GARRE1: variants seen among roughly 807,000 people sequenced by gnomAD.
The protein encoded by GARRE1 is granule associated Rac and RHOG effector 1.
GARRE1 carries 49 observed loss-of-function variants against 103.2 expected under a neutral mutation model. That is an observed-to-expected ratio of 0.47 (90% CI 0.38 to 0.60). GARRE1 has a LOEUF of 0.60. GARRE1 is among the 20% of genes least tolerant of loss of function. The pLI, the probability that GARRE1 is intolerant of heterozygous loss-of-function variation, is 0.00. For missense variants in GARRE1, 1,199 were observed against 1,370.5 expected (o/e 0.87, Z 1.98); for synonymous variants, 505 against 532.8 (o/e 0.95, Z 0.72).
At chr19:34,272,844 T>C (rs992400568) in intron 1 of GARRE1, among the ~76,000 whole-genome samples, 6 of 152,220 alleles carry the variant, frequency 3.9e-5, no homozygotes. Flanking sequence ...GGTGAGAACA[T>C]GAAGAACTCA....
intron 1 of GARRE1, among the ~76,000 whole-genome samples, chr19:34,271,334 T>G (rs556685316): frequency 2.2e-4 from 33 of 151,200 alleles, no homozygotes; most frequent in African/African-American, 6.6e-4. Context: ...CTGCAACCTC[T>G]GTCTCCCGGG....
At chr19:34,347,802 C>T (rs2074218878) in intron 10 of GARRE1, 75 bp from the exon 11 acceptor site, 6 of 1,348,828 alleles carry the variant, frequency 4.4e-6, no homozygotes, top group South Asian at 1.6e-5. Flanking sequence ...GTGACCAGCA[C>T]GTTAGCAAAG....
At chr19:34,347,148 G>A (rs1325855936) in intron 10 of GARRE1, among the ~76,000 whole-genome samples, 6 of 151,572 alleles carry the variant, frequency 4.0e-5, no homozygotes, top group African/African-American at 1.5e-4. Context: ...GAGTGCAGTG[G>A]CACGATCTCA....
chr19:34,292,535 T>G (rs1466838464), intron 1 of GARRE1, among the ~76,000 whole-genome samples: 1 of 152,196 alleles, frequency 6.6e-6, no homozygotes, highest in Non-Finnish European at 1.5e-5. Flanking sequence ...TATTTAGCAT[T>G]TTGAGGACCT....
At chr19:34,344,406 C>T (rs888461038) in intron 10 of GARRE1, among the ~76,000 whole-genome samples, 58 of 151,852 alleles carry the variant, frequency 3.8e-4, no homozygotes, top group African/African-American at 1.3e-3. Context: ...CCGGCTAAAA[C>T]GGTGAAACCC....
At position 34,261,206 on chromosome 19, in the gene GARRE1, G is replaced by A. The variant is rs77922378; in HGVS notation, c.-796+6592G>A. Among the ~76,000 whole-genome samples, 465 of 152,296 alleles carry A rather than the reference G, an allele frequency of 3.1e-3. 5 individuals carry two copies. The highest frequency in any genetic ancestry group is 0.01 in the African/African-American group (426 of 41,564). ...GAGGGCTCTGCATCTAAGCTGCTTG[G>A]ATCAGATCCTGGTCTTGGGATGCTG... is the stretch of plus-strand genomic sequence containing the variant. On this transcript the variant is annotated intron_variant, in intron 1 of 13. Coordinates refer to ENST00000299505, the MANE Select transcript of GARRE1 (RefSeq NM_014686.5).
intron 1 of GARRE1, among the ~76,000 whole-genome samples, chr19:34,267,575 C>T (rs2073760050): frequency 6.6e-6 from 1 of 152,104 alleles, no homozygotes; most frequent in Admixed American, 6.5e-5. Flanking sequence ...TCTTAAATAA[C>T]TTTCTAATGG....
At chr19:34,325,448 A>G (rs185970435) in intron 3 of GARRE1, among the ~76,000 whole-genome samples, 55 of 152,188 alleles carry the variant, frequency 3.6e-4, no homozygotes, top group African/African-American at 1.2e-3. Flanking sequence ...GAGTGGTGCC[A>G]TCCCACACTG....
chr19:34,333,150 T>C (rs986548974), intron 7 of GARRE1, among the ~76,000 whole-genome samples: 2 of 152,096 alleles, frequency 1.3e-5, no homozygotes, highest in Non-Finnish European at 2.9e-5. Context: ...GGGTTCAAGC[T>C]ATTCTCCTGC....
At chr19:34,294,646 G>GGGCTATATTC (rs1315858051) in intron 1 of GARRE1, among the ~76,000 whole-genome samples, 9 of 151,698 alleles carry the variant, frequency 5.9e-5, no homozygotes, top group Non-Finnish European at 1.2e-4. Flanking sequence ...CCCTTTATAT[G>GGGCTATATTC]GGCTATATTC....
Position 34,327,470 on chromosome 19 carries a change from T to C in GARRE1, c.755T>C (p.Ile252Thr), listed in dbSNP as rs762655810. Residue 252 changes from isoleucine to threonine, a missense_variant, in exon 4 of 14, where the codon ATT (isoleucine) becomes ACT (threonine). Coordinates refer to ENST00000299505, the MANE Select transcript of GARRE1 (RefSeq NM_014686.5). ...GGCTGTGATGGTTGCCTGGCAGGAA[T>C]TGAAGTTCAACAACTCTTTTGTTCT... is the stretch of plus-strand genomic sequence containing the variant. ...ERGCDGCLAG[I>T]EVQQLFCSQS... is the part of the protein sequence containing the mutation. 2.5e-5 allele frequency: 41 copies of C among 1,614,030 alleles called. No individual in the cohort carries two copies. Among genetic ancestry groups the C allele is most frequent in the Middle Eastern group, 1.6e-4 (1 of 6,084 alleles).
chr19:34,282,274 C>T (rs536525892), intron 1 of GARRE1, among the ~76,000 whole-genome samples: 15 of 151,974 alleles, frequency 9.9e-5, no homozygotes, highest in Admixed American at 2.6e-4. Context: ...GCCTTGGCCT[C>T]CTGAGTAGCT....
chr19:34,333,485 A>T (rs548602981), intron 7 of GARRE1, among the ~76,000 whole-genome samples: 2 of 152,204 alleles, frequency 1.3e-5, no homozygotes, highest in African/African-American at 4.8e-5. Flanking sequence ...ATTTAATTCC[A>T]TGCCCAGAAT....
At chr19:34,325,379 G>A (rs999505305) in intron 3 of GARRE1, among the ~76,000 whole-genome samples, 3 of 152,112 alleles carry the variant, frequency 2.0e-5, no homozygotes, top group Non-Finnish European at 4.4e-5. Context: ...TCTCACAGGT[G>A]GCTCAGGCGT....
chr19:34,256,975 T>C (rs2073677234), intron 1 of GARRE1, among the ~76,000 whole-genome samples: 1 of 152,176 alleles, frequency 6.6e-6, no homozygotes, highest in Non-Finnish European at 1.5e-5. Context: ...TATGAAGAGT[T>C]CAGGTTTGTT....
At chr19:34,305,352 A>G (rs958209365) in intron 2 of GARRE1, among the ~76,000 whole-genome samples, 1 of 152,170 alleles carries the variant, frequency 6.6e-6, no homozygotes, top group Non-Finnish European at 1.5e-5. Flanking sequence ...ACTGCTTGAT[A>G]GAGATATGGC....
chr19:34,337,588 T>C (rs969373844), intron 8 of GARRE1, among the ~76,000 whole-genome samples: 1 of 152,114 alleles, frequency 6.6e-6, no homozygotes, highest in Non-Finnish European at 1.5e-5. Flanking sequence ...GGATGGGAAG[T>C]TGTAGACGTC....
At chr19:34,272,462 G>A (rs2073793560) in intron 1 of GARRE1, among the ~76,000 whole-genome samples, 1 of 152,190 alleles carries the variant, frequency 6.6e-6, no homozygotes, top group South Asian at 2.1e-4. Context: ...GCCTCCCAAA[G>A]TGCTGGGATT....
intron 10 of GARRE1, among the ~76,000 whole-genome samples, chr19:34,344,840 A>AT (rs539157165): frequency 0.23 from 31,589 of 139,244 alleles, 3,886 homozygotes; most frequent in East Asian, 0.6. Context: ...CACCCAGCTA[A>AT]TTTTTTTTTT....
Sources: gnomAD v4.1 joint callset for allele counts (sites outside exome capture counted in the v4.1 genomes callset) on GRCh38, gnomAD v4.1.1 for gene constraint, MANE v1.5 for transcripts, NCBI Gene and HGNC (gene_info 2026-07-23, HGNC 2026-07-21) for gene names.